PIEZO2: variants seen among roughly 807,000 people sequenced by gnomAD.
The protein encoded by PIEZO2 is piezo-type mechanosensitive ion channel component 2.
Under a neutral mutation model 337.3 loss-of-function variants are expected in PIEZO2, and 172 were observed. The ratio of observed to expected loss-of-function variants is 0.51; its 90% CI spans 0.45 to 0.58. PIEZO2 has a LOEUF of 0.58. PIEZO2 is among the 20% of genes least tolerant of loss of function. The pLI is 0.00. For synonymous variants in PIEZO2, 1,251 were observed against 1,228.5 expected, an observed-to-expected ratio of 1.02 and a Z score of -0.38; for missense variants, 3,028 against 3,391.3, an observed-to-expected ratio of 0.89 and a Z score of 2.66.
intron 18 of PIEZO2, among the ~76,000 whole-genome samples, chr18:10,779,978 G>T (rs1468056326): frequency 6.6e-6 from 1 of 152,178 alleles, no homozygotes; most frequent in African/African-American, 2.4e-5. Context: ...TTGTGGAGGA[G>T]GTGGTTCTTG....
In PIEZO2 at chr18:11,076,516, CTA is replaced by C. The variant is rs2038551343; in HGVS notation, c.65-10296_65-10295del. Among the ~76,000 whole-genome samples, 2 of 151,666 alleles carry C rather than the reference CTA, an allele frequency of 1.3e-5. 1 individual carries two copies. The highest frequency in any genetic ancestry group is 4.2e-4 in the South Asian group (2 of 4,810). The stretch of plus-strand genomic sequence containing the variant: ...AACAACTGGAGATACTATTTGTAAA[CTA>C]TGAGTTGGAACAGATGATTACTAAG... On this transcript the variant is annotated intron_variant, in intron 1 of 55. Transcript: ENST00000674853.
At chr18:11,113,968 G>A (rs2039812357) in intron 1 of PIEZO2, among the ~76,000 whole-genome samples, 1 of 152,202 alleles carries the variant, frequency 6.6e-6, no homozygotes, top group African/African-American at 2.4e-5. Flanking sequence ...AATTTCAATA[G>A]CTACGGCAAA....
chr18:10,720,409 GTATGTGTATGTATATATATATATATA>G lies in PIEZO2; in HGVS notation c.5030-2176_5030-2151del, dbSNP rs1239882899. ...TGTGTGTGTGTGTGTGTGTGTATGT[GTATGTGTATGTATATATATATATATA>G]TATATATATATATATATATATATAT... is the stretch of plus-strand genomic sequence containing the variant. On this transcript the variant is annotated intron_variant, in intron 36 of 55. Transcript: ENST00000674853. 6.1e-3 allele frequency among the ~76,000 whole-genome samples: 109 copies of G among 17,956 alleles called. 8 individuals are homozygous for G. The highest frequency in any genetic ancestry group is 0.021 in the South Asian group (9 of 434). 11.8% of individuals were successfully genotyped at this position (17,956 alleles called of 152,430 possible).
intron 43 of PIEZO2, among the ~76,000 whole-genome samples, chr18:10,701,582 T>A (rs1264501021): frequency 6.6e-6 from 1 of 152,212 alleles, no homozygotes; most frequent in East Asian, 1.9e-4. Context: ...GATGAGACAA[T>A]ATGATCCACA....
At chr18:10,774,840 T>C (rs1055591010) in intron 18 of PIEZO2, among the ~76,000 whole-genome samples, 2 of 152,218 alleles carry the variant, frequency 1.3e-5, no homozygotes, top group Admixed American at 6.5e-5. Flanking sequence ...TCAAACAAGA[T>C]GGACAATAAA....
chr18:10,891,413 C>T (rs1598639181), intron 4 of PIEZO2, among the ~76,000 whole-genome samples: 1 of 151,726 alleles, frequency 6.6e-6, no homozygotes, highest in East Asian at 1.9e-4. Flanking sequence ...GTGTAGGGAA[C>T]AGATGAAGAC....
At chr18:10,921,660 T>G (rs1329530646) in intron 3 of PIEZO2, among the ~76,000 whole-genome samples, 2 of 152,138 alleles carry the variant, frequency 1.3e-5, no homozygotes, top group Non-Finnish European at 2.9e-5. Flanking sequence ...CAGCAATTGT[T>G]CAGGGAATGA....
At chr18:11,036,723 G>A (rs1355306824) in intron 2 of PIEZO2, among the ~76,000 whole-genome samples, 1 of 151,966 alleles carries the variant, frequency 6.6e-6, no homozygotes, top group East Asian at 1.9e-4. Flanking sequence ...GATAAATTTG[G>A]AGAAAGTATC....
intron 4 of PIEZO2, among the ~76,000 whole-genome samples, chr18:10,887,305 G>A (rs565944411): frequency 6.6e-6 from 1 of 151,154 alleles, no homozygotes; most frequent in East Asian, 1.9e-4. Context: ...TCCTGACCTC[G>A]TGATCCGCCC....
chr18:11,042,888 T>C (rs982623198), intron 2 of PIEZO2, among the ~76,000 whole-genome samples: 2 of 152,196 alleles, frequency 1.3e-5, no homozygotes, highest in African/African-American at 4.8e-5. Context: ...AAATTTATGG[T>C]TAAATGAGAT....
chr18:10,797,402 C>T lies in PIEZO2; in HGVS notation c.1499G>A (p.Ser500Asn). The change falls in exon 12 of 56, where the codon AGT (serine) becomes AAT (asparagine). Residue 500 changes from serine to asparagine, a missense_variant. By Grantham distance (46) the Ser-to-Asn change is conservative. Transcript: ENST00000674853. ...VSVFQFIMKQ[S>N]YICALIAMMA... ...CATAGCTATGAGGGCACAGATGTAA[C>T]TTTGTTTCATAATAAATTGGAATAC... 1 of 1,537,042 alleles carries T rather than the reference C, an allele frequency of 6.5e-7. No individual in the cohort carries two copies. The highest frequency in any genetic ancestry group is 8.7e-7 in the Non-Finnish European group (1 of 1,146,848).
At position 10,833,581 on chromosome 18, in the gene PIEZO2, G is replaced by A. The variant is rs558886474; in HGVS notation, c.917+21772C>T. On this transcript the variant is annotated intron_variant, in intron 7 of 55. Coordinates refer to ENST00000674853, the MANE Select transcript of PIEZO2 (RefSeq NM_001378183.1). The surrounding 1 kb of genome is among the most constrained non-coding windows in gnomAD (Gnocchi z 4.7). ...GATGAGAGATTGTACAGCCCAAACT[G>A]CACCTGAACCACGCAAGCTGTGAGG... Among the ~76,000 whole-genome samples the A allele has an allele frequency of 4.6e-5, 7 of 152,280 alleles. No individual in the cohort carries two copies. Among genetic ancestry groups the A allele is most frequent in the African/African-American group, 1.7e-4 (7 of 41,530 alleles).
At chr18:10,705,773 G>T in intron 40 of PIEZO2, 27 bp from the exon 41 acceptor site, 1 of 1,489,528 alleles carries the variant, frequency 6.7e-7, no homozygotes. Flanking sequence ...TGGGCACAGA[G>T]CCCATGTCTT....
At chr18:10,675,881 C>G (rs114781844) in intron 53 of PIEZO2, among the ~76,000 whole-genome samples, 1 of 152,132 alleles carries the variant, frequency 6.6e-6, no homozygotes, top group Non-Finnish European at 1.5e-5. Flanking sequence ...TTCCCCTGCA[C>G]GTGCTCCCTT....
chr18:10,715,854 A>G (rs2035991549), intron 37 of PIEZO2, 38 bp from the exon 38 acceptor site: 9 of 1,441,338 alleles, frequency 6.2e-6, no homozygotes, highest in Non-Finnish European at 6.5e-6. Flanking sequence ...TAAAGGAACA[A>G]AATACCATTG....
At chr18:10,965,439 C>T (rs1248275246) in intron 3 of PIEZO2, among the ~76,000 whole-genome samples, 1 of 152,118 alleles carries the variant, frequency 6.6e-6, no homozygotes, top group East Asian at 1.9e-4. Flanking sequence ...CTCATTTGTA[C>T]ACTGGAGTGA....
rs373387409 is a variant in PIEZO2 at position 10,979,580 on chromosome 18, A to G, written c.241T>C (p.Leu81=). The stretch of plus-strand genomic sequence containing the variant: ...CGATGTTGAGCTTCAAGGCTCACCA[A>G]CGTGATGTGGAAAATGATGTGCAGC... ...LLLHIIFHIT[L]VSLEAQHRIA... Residue 81 remains leucine, a synonymous_variant, in exon 3 of 56, where the codon TTG becomes CTG. Coordinates refer to ENST00000674853, the MANE Select transcript of PIEZO2 (RefSeq NM_001378183.1). The surrounding 1 kb of genome is among the most constrained non-coding windows in gnomAD (Gnocchi z 4.0). The G allele has an allele frequency of 1.9e-4, 287 of 1,536,154 alleles. 1 individual carries two copies. The African/African-American group carries it at 3.6e-3, about 19-fold the overall frequency.
At chr18:10,891,721 TTA>T (rs1302942466) in intron 4 of PIEZO2, among the ~76,000 whole-genome samples, 1 of 152,202 alleles carries the variant, frequency 6.6e-6, no homozygotes. Flanking sequence ...CTCAAATCTA[TTA>T]TAACAAGCTA....
chr18:11,072,353 T>C (rs1285473163), intron 1 of PIEZO2, among the ~76,000 whole-genome samples: 1 of 152,184 alleles, frequency 6.6e-6, no homozygotes, highest in Non-Finnish European at 1.5e-5. Flanking sequence ...CCAATTGACA[T>C]GGCCCCCAAA....
Sources: gnomAD v4.1 joint callset for allele counts (sites outside exome capture counted in the v4.1 genomes callset) on GRCh38, gnomAD v4.1.1 for gene constraint, Gnocchi (gnomAD v3.1) non-coding constraint, MANE v1.5 for transcripts, NCBI Gene and HGNC (gene_info 2026-07-23, HGNC 2026-07-21) for gene names.